DISP1: variants seen among roughly 807,000 people sequenced by gnomAD.
DISP1 encodes protein dispatched homolog 1.
Under a neutral mutation model 37.3 loss-of-function variants are expected in DISP1, and 30 were observed. The observed-to-expected ratio is 0.80, with a 90% CI of 0.60 to 1.09. The LOEUF is 1.09. Ranked by LOEUF, DISP1 falls within the 50% of genes least tolerant of loss-of-function variation. DISP1 has a pLI of 0.00. For synonymous variants in DISP1, 634 were observed against 690.2 expected, an observed-to-expected ratio of 0.92 and a Z score of 1.28; for missense variants, 1,598 against 1,879.5, an observed-to-expected ratio of 0.85 and a Z score of 2.77.
chr1:222,874,810 G>A (rs186597001), intron 1 of DISP1, among the ~76,000 whole-genome samples: 5 of 151,914 alleles, frequency 3.3e-5, no homozygotes, highest in South Asian at 2.1e-4. Context: ...GAGGAGCTGC[G>A]TTCCTTTGGA....
At chr1:222,841,604 G>A (rs1667614802) in intron 1 of DISP1, among the ~76,000 whole-genome samples, 3 of 152,036 alleles carry the variant, frequency 2.0e-5, no homozygotes, top group Admixed American at 2.0e-4. Context: ...CCTTACTAGT[G>A]GGGCTTTTGT....
chr1:222,985,348 C>T (rs1049667136), intron 4 of DISP1, among the ~76,000 whole-genome samples: 1 of 152,160 alleles, frequency 6.6e-6, no homozygotes, highest in East Asian at 1.9e-4. Context: ...CATCTGTACC[C>T]CTCTAAAAAA....
chr1:222,839,729 T>A (rs1310326653), intron 1 of DISP1, among the ~76,000 whole-genome samples: 2 of 151,848 alleles, frequency 1.3e-5, no homozygotes, highest in African/African-American at 4.8e-5. Flanking sequence ...GGTCAAGAGA[T>A]CAAGACCATC....
chr1:222,915,100 G>A (rs982573130), intron 1 of DISP1, among the ~76,000 whole-genome samples: 2 of 152,156 alleles, frequency 1.3e-5, no homozygotes, highest in East Asian at 3.8e-4. Flanking sequence ...TGTCTGAGTC[G>A]CTGTTGTCAG....
At chr1:222,957,236 C>T (rs1243705693) in intron 3 of DISP1, among the ~76,000 whole-genome samples, 1 of 150,844 alleles carries the variant, frequency 6.6e-6, no homozygotes, top group Non-Finnish European at 1.5e-5. Flanking sequence ...ATATTTTGAC[C>T]TTTAATACTG....
intron 3 of DISP1, 30 bp downstream of exon 3, chr1:222,943,362 A>G (rs1423654811): frequency 6.2e-7 from 1 of 1,613,988 alleles, no homozygotes; most frequent in East Asian, 2.2e-5. Flanking sequence ...TGCTTTTAGC[A>G]TTCAACTAAT....
intron 2 of DISP1, among the ~76,000 whole-genome samples, chr1:222,934,779 C>T (rs1354023107): frequency 6.6e-6 from 1 of 152,000 alleles, no homozygotes; most frequent in Non-Finnish European, 1.5e-5. Flanking sequence ...GTGCTTCAGT[C>T]CATTTATATG....
At chr1:222,867,425 T>G (rs1164695217) in intron 1 of DISP1, among the ~76,000 whole-genome samples, 1 of 152,300 alleles carries the variant, frequency 6.6e-6, no homozygotes, top group East Asian at 1.9e-4. Flanking sequence ...CTTAAGTGGC[T>G]TGCTTTCTTG....
At chr1:222,866,315 G>A (rs993037949) in intron 1 of DISP1, among the ~76,000 whole-genome samples, 33 of 146,250 alleles carry the variant, frequency 2.3e-4, no homozygotes, top group African/African-American at 7.2e-4. Context: ...TGATATTCCC[G>A]GGATAGTTTT....
chr1:222,991,515 C>T lies in DISP1; in HGVS notation c.664-5C>T. The T allele has an allele frequency of 6.2e-7, 1 of 1,613,634 alleles. No individual in the cohort carries two copies. Among genetic ancestry groups the T allele is most frequent in the Non-Finnish European group, 8.5e-7 (1 of 1,179,742 alleles). Reference sequence around the variant, plus strand: ...TACTAATGAGCACCTGTAATTTTGCCTTAGGGTTTTGAACCAAGAGGAACA... The same window carrying T: ...TACTAATGAGCACCTGTAATTTTGCTTTAGGGTTTTGAACCAAGAGGAACA... On this transcript the variant is annotated splice_region_variant and splice_polypyrimidine_tract_variant and intron_variant, in intron 5 of 8. Transcript: ENST00000675850.
chr1:222,818,371 C>T (rs1277140568), intron 1 of DISP1, among the ~76,000 whole-genome samples: 1 of 151,986 alleles, frequency 6.6e-6, no homozygotes, highest in African/African-American at 2.4e-5. Context: ...GGAATCCCTC[C>T]CACCTCTTGT....
intron 8 of DISP1, among the ~76,000 whole-genome samples, chr1:223,001,689 C>T (rs763059556): frequency 1.6e-4 from 25 of 152,204 alleles, no homozygotes; most frequent in African/African-American, 4.3e-4. Flanking sequence ...GGGCATTCTA[C>T]GTGTCCTCAT....
chr1:222,825,857 G>A (rs1664251631), intron 1 of DISP1, among the ~76,000 whole-genome samples: 1 of 151,992 alleles, frequency 6.6e-6, no homozygotes, highest in Non-Finnish European at 1.5e-5. Context: ...CACCCCCTCA[G>A]CAGTTAAACT....
At chr1:222,936,906 AATATATT>A (rs1247543796) in intron 2 of DISP1, among the ~76,000 whole-genome samples, 2 of 52,714 alleles carry the variant, frequency 3.8e-5, no homozygotes, top group Non-Finnish European at 7.0e-5. Context: ...ATTTATATAT[AATATATT>A]ATATATTATA....
chr1:222,873,131 C>A (rs948676142), intron 1 of DISP1, among the ~76,000 whole-genome samples: 1 of 152,148 alleles, frequency 6.6e-6, no homozygotes, highest in Admixed American at 6.6e-5. Flanking sequence ...GCACTGTGGT[C>A]TGAGAGACAG....
chr1:222,866,731 A>C (rs796979359), intron 1 of DISP1, among the ~76,000 whole-genome samples: 1 of 152,190 alleles, frequency 6.6e-6, no homozygotes, highest in Non-Finnish European at 1.5e-5. Flanking sequence ...TTAATATCAC[A>C]TATAACCTAA....
rs1000872192 is a variant in DISP1 at position 222,815,092 on chromosome 1, C to T, written c.-159+14C>T. 2 of 152,218 alleles carry T rather than the reference C, an allele frequency of 1.3e-5. No individual in the cohort carries two copies. The highest frequency in any genetic ancestry group is 2.9e-5 in the Non-Finnish European group (2 of 68,096). The allele number at this position is 152,218 out of a possible 1,614,324, so 9.4% of individuals were successfully genotyped here. On this transcript the variant is annotated intron_variant, in intron 1 of 8. Transcript: ENST00000675850. ...CCCGGACTGGAGGTGAGTTCGCAGCCGGAACGTTGCAGGCACTTGTTTCCT... is the reference window on the plus strand; with the variant it reads ...CCCGGACTGGAGGTGAGTTCGCAGCTGGAACGTTGCAGGCACTTGTTTCCT...
Position 223,003,750 on chromosome 1 carries a change from A to G in DISP1, c.2353A>G (p.Met785Val), listed in dbSNP as rs1361435298. 3.1e-6 allele frequency: 5 copies of G among 1,614,038 alleles called. No individual in the cohort carries two copies. Among genetic ancestry groups the G allele is most frequent in the African/African-American group, 1.3e-5 (1 of 74,920 alleles). The change falls in exon 9 of 9, where the codon ATG (methionine) becomes GTG (valine). Residue 785 changes from methionine to valine, a missense_variant. Transcript: ENST00000675850. The surrounding 1 kb of genome is among the most constrained non-coding windows in gnomAD (Gnocchi z 4.3). ...ERVHHGEELH[M>V]PITVIWGVSP... ...TGTTCACCATGGCGAGGAGCTCCAC[A>G]TGCCCATCACAGTAATCTGGGGCGT...
chr1:222,828,211 C>T (rs1161375461), intron 1 of DISP1, among the ~76,000 whole-genome samples: 1 of 152,162 alleles, frequency 6.6e-6, no homozygotes, highest in Non-Finnish European at 1.5e-5. Flanking sequence ...TATCTGACTC[C>T]AAGACCTAAA....
Sources: allele counts gnomAD v4.1 joint callset (sites outside exome capture counted in the v4.1 genomes callset), GRCh38; gene constraint gnomAD v4.1.1; non-coding constraint Gnocchi (gnomAD v3.1); transcripts MANE v1.5; gene names NCBI Gene and HGNC (gene_info 2026-07-23, HGNC 2026-07-21).